The following PRR16 variants were observed in gnomAD, a reference collection of about 807,000 sequenced individuals.
The protein encoded by PRR16 is protein Largen.
PRR16 carries 6 observed loss-of-function variants against 18.2 expected under a neutral mutation model. The ratio of observed to expected loss-of-function variants is 0.33; its 90% CI spans 0.18 to 0.65. The LOEUF (loss-of-function observed/expected upper bound fraction) is 0.65. Among genes scored for constraint, PRR16 ranks in the 30% least tolerant of loss-of-function variants. PRR16 has a pLI of 0.74. For synonymous variants in PRR16, 151 were observed against 147.8 expected (o/e 1.02, Z -0.16); for missense variants, 412 against 376.6 (o/e 1.09, Z -0.78).
intron 1 of PRR16, among the ~76,000 whole-genome samples, chr5:120,493,043 T>C (rs1043651934): frequency 6.6e-6 from 1 of 152,204 alleles, no homozygotes; most frequent in African/African-American, 2.4e-5. Context: ...CTTTTTCATA[T>C]AATGACTTCT....
At chr5:120,483,522 A>G (rs1034313577) in intron 1 of PRR16, among the ~76,000 whole-genome samples, 1 of 152,098 alleles carries the variant, frequency 6.6e-6, no homozygotes, top group African/African-American at 2.4e-5. Context: ...TTATTTCTCA[A>G]ATTTATTGGG....
chr5:120,732,942 T>C, the PRR16 span, among the ~76,000 whole-genome samples: 1 of 152,152 alleles, frequency 6.6e-6, no homozygotes, highest in Non-Finnish European at 1.5e-5. Flanking sequence ...GTTAGCTCAA[T>C]TATACCAGAT....
At chr5:120,754,118 T>C in the PRR16 span, among the ~76,000 whole-genome samples, 1 of 39,558 alleles carries the variant, frequency 2.5e-5, no homozygotes, top group Non-Finnish European at 5.4e-5. Context: ...AAATAGAATA[T>C]TTCTAAAAAT....
At chr5:120,681,451 GTT>G (rs911857945) in intron 1 of PRR16, among the ~76,000 whole-genome samples, 15 of 152,080 alleles carry the variant, frequency 9.9e-5, no homozygotes, top group Non-Finnish European at 5.9e-5. Flanking sequence ...CTACAGACAT[GTT>G]CTTTTTCCTA....
At chr5:120,550,366 A>G (rs1048287651) in intron 1 of PRR16, among the ~76,000 whole-genome samples, 7 of 152,042 alleles carry the variant, frequency 4.6e-5, no homozygotes, top group Non-Finnish European at 8.8e-5. Context: ...AGTAAGTGAC[A>G]AAGTGTGGGT....
chr5:120,612,031 T>A (rs1488136362), intron 1 of PRR16, among the ~76,000 whole-genome samples: 1 of 152,216 alleles, frequency 6.6e-6, no homozygotes, highest in Non-Finnish European at 1.5e-5. Context: ...ATGTGAGATC[T>A]GGAGTCAAAG....
downstream of PRR16, among the ~76,000 whole-genome samples, chr5:120,689,462 AT>A (rs1428879480): frequency 1.3e-5 from 2 of 152,202 alleles, no homozygotes; most frequent in African/African-American, 4.8e-5. Flanking sequence ...CCATTAAATC[AT>A]CATAAAATAT....
chr5:120,780,124 T>C, the PRR16 span, among the ~76,000 whole-genome samples: 1 of 152,186 alleles, frequency 6.6e-6, no homozygotes, highest in African/African-American at 2.4e-5. Flanking sequence ...AAAAACTATC[T>C]TGTACAGATT....
chr5:120,474,464 G>A (rs1382683587), intron 1 of PRR16, among the ~76,000 whole-genome samples: 1 of 151,974 alleles, frequency 6.6e-6, no homozygotes, highest in East Asian at 1.9e-4. Context: ...GAGAACTACT[G>A]CTCTTGCTCT....
intron 1 of PRR16, among the ~76,000 whole-genome samples, chr5:120,666,273 G>A (rs1454054220): frequency 6.6e-6 from 1 of 152,214 alleles, no homozygotes; most frequent in East Asian, 1.9e-4. Context: ...TGTTATTGGT[G>A]TATAAGAATG....
chr5:120,532,816 C>A (rs541918760), intron 1 of PRR16, among the ~76,000 whole-genome samples: 1 of 151,764 alleles, frequency 6.6e-6, no homozygotes, highest in Non-Finnish European at 1.5e-5. Context: ...GACAAAGAAG[C>A]AAAAACCTAT....
At chr5:120,794,570 G>A in the PRR16 span, among the ~76,000 whole-genome samples, 1 of 152,144 alleles carries the variant, frequency 6.6e-6, no homozygotes, top group South Asian at 2.1e-4. Context: ...ATCAATAAAT[G>A]TGTGTGTTTT....
chr5:120,540,436 C>T (rs945246437), intron 1 of PRR16, among the ~76,000 whole-genome samples: 1 of 152,096 alleles, frequency 6.6e-6, no homozygotes, highest in Non-Finnish European at 1.5e-5. Flanking sequence ...CTTATAAGGC[C>T]CTATGTGCCC....
chr5:120,733,956 CCTTA>C, the PRR16 span, among the ~76,000 whole-genome samples: 14 of 151,998 alleles, frequency 9.2e-5, no homozygotes, highest in African/African-American at 3.4e-4. Flanking sequence ...CTGTGTTATC[CCTTA>C]CTTACGGTGA....
chr5:120,580,852 C>T (rs1753248802), intron 1 of PRR16, among the ~76,000 whole-genome samples: 1 of 152,188 alleles, frequency 6.6e-6, no homozygotes, highest in South Asian at 2.1e-4. Flanking sequence ...GTTGAACCAG[C>T]CTTGCATCCC....
At chr5:120,668,747 GA>G in intron 1 of PRR16, among the ~76,000 whole-genome samples, 1 of 152,210 alleles carries the variant, frequency 6.6e-6, no homozygotes, top group South Asian at 2.1e-4. Flanking sequence ...ATTCTAGGTT[GA>G]AAATTCTTTT....
chr5:120,776,414 ACT>A, the PRR16 span, among the ~76,000 whole-genome samples: 21 of 152,164 alleles, frequency 1.4e-4, no homozygotes, highest in Admixed American at 1.2e-3. Context: ...ATTAGAGAAA[ACT>A]CTATGGAAAT....
chr5:120,654,844 G>T (rs139223895), intron 1 of PRR16, among the ~76,000 whole-genome samples: 21 of 151,026 alleles, frequency 1.4e-4, no homozygotes, highest in African/African-American at 5.1e-4. Context: ...AAAAAATGAG[G>T]GAAAAAAAGA....
the PRR16 span, among the ~76,000 whole-genome samples, chr5:120,735,340 A>G: frequency 6.6e-6 from 1 of 152,176 alleles, no homozygotes; most frequent in East Asian, 1.9e-4. Context: ...CAAAAATGTT[A>G]TCAAGATTCT....
Sources: allele counts gnomAD v4.1 joint callset (sites outside exome capture counted in the v4.1 genomes callset), GRCh38; gene constraint gnomAD v4.1.1; transcripts MANE v1.5; gene names NCBI Gene and HGNC (gene_info 2026-07-23, HGNC 2026-07-21).